The following ROS1 variants were observed in gnomAD, a reference collection of about 807,000 sequenced individuals.
The protein encoded by ROS1 is ROS proto-oncogene 1, receptor tyrosine kinase, also known as proto-oncogene tyrosine-protein kinase ROS.
ROS1 carries 263 observed loss-of-function variants against 273.5 expected under a neutral mutation model. The observed-to-expected ratio is 0.96, with a 90% CI of 0.87 to 1.06. The LOEUF is 1.06. ROS1 is among the 50% of genes least tolerant of loss of function. ROS1 has a pLI of 0.00. For missense variants in ROS1, 2,833 were observed against 2,751.1 expected (o/e 1.03, Z -0.67); for synonymous variants, 1,008 against 954.1 (o/e 1.06, Z -1.04).
chr6:117,323,237 T>A (rs1286670124), intron 35 of ROS1, among the ~76,000 whole-genome samples: 2 of 152,128 alleles, frequency 1.3e-5, no homozygotes, highest in African/African-American at 4.8e-5. Context: ...CTGGGTGGAA[T>A]CTTTGAAAAA....
Position 117,310,267 on chromosome 6 carries a change from C to G in ROS1, c.6230G>C (p.Arg2077Thr). The part of the protein sequence containing the change: ...MHFIHRDLAA[R>T]NCLVSVKDYT... ...GTCTTTCACGGAAACAAGGCAATTT[C>G]TAGCTGCCAGATCCCTGTGGCAGAA... Residue 2077 changes from arginine (R) to threonine (T), a missense_variant, in exon 41 of 44, where the codon AGA becomes ACA. Physicochemically the swap from Arg to Thr is moderately conservative, Grantham distance 71 (BLOSUM62 -1). Coordinates refer to ENST00000368507, the MANE Select transcript of ROS1 (RefSeq NM_001378902.1). The G allele has an allele frequency of 6.2e-7, 1 of 1,608,508 alleles. No homozygotes were observed.
rs1776279132 is a variant in ROS1 at position 117,321,358 on chromosome 6, T to C, written c.5660A>G (p.Lys1887Arg). The C allele has an allele frequency of 1.9e-6, 3 of 1,613,024 alleles. No individual in the cohort carries two copies. Among genetic ancestry groups the C allele is most frequent in the Admixed American group, 3.3e-5 (2 of 59,724 alleles). The change falls in exon 36 of 44, where the codon AAG becomes AGG. Residue 1887 changes from lysine to arginine, a missense_variant. Transcript: ENST00000368507. ...HRRLKNQKSAKEGVTVLINED... is the reference protein window; with the variant it reads ...HRRLKNQKSAREGVTVLINED... ...GTTTATAAGCACTGTCACCCCTTCC[T>C]TGGCACTTTTTTGATTCTTTAATCT...
At chr6:117,321,661 CAAATT>C (rs921222244) in intron 35 of ROS1, among the ~76,000 whole-genome samples, 3 of 151,966 alleles carry the variant, frequency 2.0e-5, no homozygotes, top group Admixed American at 6.6e-5. Context: ...TTGTTATAAA[CAAATT>C]AAAGTATCTT....
At chr6:117,365,795 C>T in intron 19 of ROS1, 54 bp from the exon 20 acceptor site, 1 of 1,329,424 alleles carries the variant, frequency 7.5e-7, no homozygotes, top group South Asian at 1.6e-5. Context: ...GATTATTGAC[C>T]AATATAGAAA....
chr6:117,391,159 A>G (rs895153540), intron 12 of ROS1, among the ~76,000 whole-genome samples: 1 of 152,194 alleles, frequency 6.6e-6, no homozygotes, highest in Non-Finnish European at 1.5e-5. Flanking sequence ...TGCTAGAATA[A>G]TATCCTGAGA....
At chr6:117,373,139 A>G (rs1371671644) in intron 18 of ROS1, among the ~76,000 whole-genome samples, 2 of 152,222 alleles carry the variant, frequency 1.3e-5, no homozygotes, top group African/African-American at 2.4e-5. Flanking sequence ...AGCTAGACAC[A>G]GAGTGCTGAT....
chr6:117,366,009 C>T, intron 19 of ROS1, 67 bp downstream of exon 19: 1 of 1,318,726 alleles, frequency 7.6e-7, no homozygotes, highest in Non-Finnish European at 1.1e-6. Context: ...AAAAAAATAT[C>T]CCAACCTAAA....
At chr6:117,289,689 C>G (rs1773690852) in intron 43 of ROS1, among the ~76,000 whole-genome samples, 1 of 152,192 alleles carries the variant, frequency 6.6e-6, no homozygotes, top group African/African-American at 2.4e-5. Context: ...TTTTCCTCTT[C>G]ATTGTTCAAA....
chr6:117,310,109 C>T lies in ROS1; in HGVS notation c.6388G>A (p.Gly2130Arg), dbSNP rs1459053852. 1.9e-6 allele frequency: 3 copies of T among 1,613,380 alleles called. No individual in the cohort carries two copies. The highest frequency in any genetic ancestry group is 2.5e-6 in the Non-Finnish European group (3 of 1,179,534). The change falls in exon 41 of 44, where the codon GGA (glycine) becomes AGA (arginine). Residue 2130 changes from glycine (G) to arginine (R), a missense_variant. Gly to Arg is a moderately radical substitution (Grantham distance 125, BLOSUM62 -2). Coordinates refer to ENST00000368507, the MANE Select transcript of ROS1 (RefSeq NM_001378902.1). Reference protein sequence around the residue: ...RWMAPESLMDGIFTTQSDVWS... With the variant: ...RWMAPESLMDRIFTTQSDVWS... ...ACATCAGATTGAGTAGTGAAGATTC[C>T]ATCCATCAAACTTTCTGGAGCCATC...
intron 18 of ROS1, among the ~76,000 whole-genome samples, chr6:117,374,691 C>A (rs1053839375): frequency 1.3e-5 from 2 of 152,236 alleles, no homozygotes; most frequent in Non-Finnish European, 2.9e-5. Flanking sequence ...AGACAACCCA[C>A]AGAGTGGGAG....
intron 42 of ROS1, among the ~76,000 whole-genome samples, chr6:117,308,151 C>T (rs1775253524): frequency 6.6e-6 from 1 of 152,078 alleles, no homozygotes. Flanking sequence ...CACAAGGAGG[C>T]AGATTAATAC....
At position 117,352,439 on chromosome 6, in the gene ROS1, T is replaced by A. The variant is rs545221752; in HGVS notation, c.4303+551A>T. On this transcript the variant is annotated intron_variant, in intron 27 of 43. Transcript: ENST00000368507. Reference sequence around the variant, plus strand: ...TATGGGAAAAGTAGGATGAGGGGCATAACACTAAAAACTTCATCAGTGACA... The same window carrying A: ...TATGGGAAAAGTAGGATGAGGGGCAAAACACTAAAAACTTCATCAGTGACA... Among the ~76,000 whole-genome samples, 436 of 152,244 alleles carry A rather than the reference T, an allele frequency of 2.9e-3. 4 individuals are homozygous for A. The highest frequency in any genetic ancestry group is 0.01 in the African/African-American group (426 of 41,546).
At chr6:117,303,182 T>C (rs757428566) in intron 42 of ROS1, among the ~76,000 whole-genome samples, 1 of 152,230 alleles carries the variant, frequency 6.6e-6, no homozygotes, top group Non-Finnish European at 1.5e-5. Context: ...CATTTTTTAC[T>C]TTCTGGAGCT....
At chr6:117,319,838 T>C (rs1279000121) in intron 37 of ROS1, 30 bp downstream of exon 37, 5 of 1,592,298 alleles carry the variant, frequency 3.1e-6, no homozygotes, top group Non-Finnish European at 3.4e-6. Flanking sequence ...GGTGATATAA[T>C]GTGTCAAGGA....
At chr6:117,318,080 G>A in intron 38 of ROS1, 108 bp downstream of exon 38, 2 of 784,444 alleles carry the variant, frequency 2.5e-6, no homozygotes, top group South Asian at 1.5e-5. Flanking sequence ...TTTCAACCAT[G>A]TTGTTTTAGT....
intron 18 of ROS1, among the ~76,000 whole-genome samples, chr6:117,367,662 G>T (rs1780380028): frequency 6.6e-6 from 1 of 152,172 alleles, no homozygotes; most frequent in Non-Finnish European, 1.5e-5. Flanking sequence ...AGATAGAACT[G>T]CATGGAACCC....
intron 1 of ROS1, among the ~76,000 whole-genome samples, chr6:117,420,826 G>T (rs916319358): frequency 1.3e-5 from 2 of 151,848 alleles, no homozygotes; most frequent in African/African-American, 4.8e-5. Context: ...AAATGTATTA[G>T]TAGTATTATG....
chr6:117,365,619 C>T lies in ROS1; in HGVS notation c.2920G>A (p.Val974Ile), dbSNP rs1780150593. 1.2e-6 allele frequency: 2 copies of T among 1,613,238 alleles called. No homozygotes were observed. The highest frequency in any genetic ancestry group is 1.1e-5 in the South Asian group (1 of 91,054). The change falls in exon 20 of 44, where the codon GTA becomes ATA. Residue 974 changes from valine (V) to isoleucine (I), a missense_variant. Val to Ile is a conservative substitution (Grantham distance 29). Coordinates refer to ENST00000368507, the MANE Select transcript of ROS1 (RefSeq NM_001378902.1). Reference protein sequence around the residue: ...WNGPPAVDWGVVFYSVEFSAH... With the variant: ...WNGPPAVDWGIVFYSVEFSAH... The stretch of plus-strand genomic sequence containing the variant: ...CTAAATTCTACACTGTAGAAAACTA[C>T]ACCCCAGTCTACCGCAGGGGGACCA...
chr6:117,414,255 T>C (rs926616168), intron 4 of ROS1, among the ~76,000 whole-genome samples: 1 of 152,138 alleles, frequency 6.6e-6, no homozygotes, highest in African/African-American at 2.4e-5. Context: ...ATTAGAGTAA[T>C]ATATATGCAA....
Sources: allele counts gnomAD v4.1 joint callset (sites outside exome capture counted in the v4.1 genomes callset), GRCh38; gene constraint gnomAD v4.1.1; transcripts MANE v1.5; gene names NCBI Gene and HGNC (gene_info 2026-07-23, HGNC 2026-07-21).